The following RPSA2 variants were observed in gnomAD, a reference collection of about 807,000 sequenced individuals.
The protein encoded by RPSA2 is ribosomal protein SA 2, also known as small ribosomal subunit protein uS2B.
the RPSA2 span, among the ~76,000 whole-genome samples, chr19:23,844,486 T>C: frequency 6.6e-6 from 1 of 152,170 alleles, no homozygotes; most frequent in African/African-American, 2.4e-5. Context: ...TTTGTATGTC[T>C]TTATTGAAAA....
chr19:23,840,065 T>C, the RPSA2 span, among the ~76,000 whole-genome samples: 1 of 152,138 alleles, frequency 6.6e-6, no homozygotes, highest in Admixed American at 6.6e-5. Flanking sequence ...TTTTTTCAGA[T>C]ACTCTCTCCT....
At chr19:23,768,665 A>G in the RPSA2 span, among the ~76,000 whole-genome samples, 2 of 63,958 alleles carry the variant, frequency 3.1e-5, no homozygotes, top group Non-Finnish European at 6.9e-5. Context: ...TTGGCTCACT[A>G]CAACCTTCAC....
At chr19:23,835,925 C>G in the RPSA2 span, among the ~76,000 whole-genome samples, 1 of 152,178 alleles carries the variant, frequency 6.6e-6, no homozygotes, top group Non-Finnish European at 1.5e-5. Flanking sequence ...TGAGCCACTG[C>G]ACCCAGCCTG....
the RPSA2 span, chr19:23,832,979 A>G: frequency 6.8e-7 from 1 of 1,469,424 alleles, no homozygotes; most frequent in East Asian, 2.8e-5. Context: ...TACAAGTGTG[A>G]AGAATGTGGC....
At chr19:23,833,240 G>T in the RPSA2 span, 1 of 1,024,728 alleles carries the variant, frequency 9.8e-7, no homozygotes, top group Non-Finnish European at 1.2e-6. Flanking sequence ...GAAAAATTTG[G>T]CAAACCTTTA....
the RPSA2 span, among the ~76,000 whole-genome samples, chr19:23,805,793 C>T: frequency 6.6e-6 from 1 of 152,204 alleles, no homozygotes; most frequent in Admixed American, 6.5e-5. Flanking sequence ...TTTTTTCTCC[C>T]TAATGAGTTT....
At chr19:23,832,132 CT>C in the RPSA2 span, 1 of 425,124 alleles carries the variant, frequency 2.4e-6, no homozygotes. Context: ...TGAAGAAAAA[CT>C]TTACAGATGT....
the RPSA2 span, among the ~76,000 whole-genome samples, chr19:23,776,801 A>G: frequency 2.0e-5 from 3 of 152,158 alleles, no homozygotes; most frequent in Admixed American, 6.5e-5. Context: ...CATGGGCCCA[A>G]TGCCGAGGTG....
chr19:23,765,723 A>G, the RPSA2 span, among the ~76,000 whole-genome samples: 1 of 152,194 alleles, frequency 6.6e-6, no homozygotes, highest in Non-Finnish European at 1.5e-5. Flanking sequence ...AACCCCCATG[A>G]CACAAATTTA....
the RPSA2 span, among the ~76,000 whole-genome samples, chr19:23,761,918 T>TGC: frequency 2.1e-5 from 2 of 94,916 alleles, no homozygotes; most frequent in Non-Finnish European, 4.0e-5. Context: ...CTTTCTTTCT[T>TGC]TCTTTTTTTT....
At chr19:23,850,778 A>C in the RPSA2 span, among the ~76,000 whole-genome samples, 1 of 152,106 alleles carries the variant, frequency 6.6e-6, no homozygotes, top group South Asian at 2.1e-4. Flanking sequence ...TTTCAGCTGC[A>C]GTCAGAGTAT....
chr19:23,807,504 AC>A, the RPSA2 span, among the ~76,000 whole-genome samples: 1 of 152,194 alleles, frequency 6.6e-6, no homozygotes, highest in East Asian at 1.9e-4. Flanking sequence ...CATCTGAAAA[AC>A]ATATATAACT....
At chr19:23,815,754 C>G in the RPSA2 span, among the ~76,000 whole-genome samples, 42 of 152,152 alleles carry the variant, frequency 2.8e-4, no homozygotes, top group Middle Eastern at 3.4e-3. Flanking sequence ...GTATTGATGT[C>G]TACAATTATA....
At chr19:23,856,090 C>T in the RPSA2 span, among the ~76,000 whole-genome samples, 48,822 of 151,734 alleles carry the variant, frequency 0.32, 8,185 homozygotes, top group Non-Finnish European at 0.38. Context: ...TGAAGGGAGA[C>T]GCTGAGCAGA....
the RPSA2 span, among the ~76,000 whole-genome samples, chr19:23,810,699 C>T: frequency 6.6e-6 from 1 of 152,098 alleles, no homozygotes; most frequent in East Asian, 1.9e-4. Flanking sequence ...TCAGGGACCA[C>T]AGTAAAGGCC....
chr19:23,785,856 G>A, the RPSA2 span, among the ~76,000 whole-genome samples: 5 of 152,028 alleles, frequency 3.3e-5, no homozygotes, highest in African/African-American at 7.2e-5. Flanking sequence ...TAAGATCCTC[G>A]GTCTCCTTTT....
chr19:23,821,869 G>A, the RPSA2 span, among the ~76,000 whole-genome samples: 4 of 152,196 alleles, frequency 2.6e-5, no homozygotes, highest in African/African-American at 9.6e-5. Flanking sequence ...GCCGCTAACA[G>A]GTTGGCCTTT....
the RPSA2 span, among the ~76,000 whole-genome samples, chr19:23,766,732 G>T: frequency 6.7e-6 from 1 of 149,684 alleles, no homozygotes; most frequent in South Asian, 2.1e-4. Context: ...GGGATTACAG[G>T]CCTGAGCCAC....
chr19:23,838,967 CTTGA>C, the RPSA2 span, among the ~76,000 whole-genome samples: 1 of 152,090 alleles, frequency 6.6e-6, no homozygotes, highest in African/African-American at 2.4e-5. Context: ...CTGCTCTGAT[CTTGA>C]TTATTTCCTT....
Sources: gnomAD v4.1 joint callset for allele counts (sites outside exome capture counted in the v4.1 genomes callset) on GRCh38, gnomAD v4.1.1 for gene constraint, MANE v1.5 for transcripts, NCBI Gene and HGNC (gene_info 2026-07-23, HGNC 2026-07-21) for gene names.